Variants in PRRC1 observed in about 807,000 individuals in gnomAD.
PRRC1 encodes the protein proline rich coiled-coil 1.
In PRRC1, 39 loss-of-function variants were observed where a neutral mutation model predicts 40.7. The observed-to-expected ratio is 0.96, with a 90% confidence interval of 0.74 to 1.25. The LOEUF is 1.25. PRRC1 is among the 50% of genes most tolerant of loss of function. The pLI, the probability that PRRC1 is intolerant of heterozygous loss-of-function variation, is 0.00. For synonymous variants in PRRC1, 175 were observed against 193.3 expected (o/e 0.91, Z 0.79); for missense variants, 573 against 548.3 (o/e 1.05, Z -0.45).
chr5:127,551,443 CACTT>C (rs1768378288), intron 8 of PRRC1: 1 of 399,856 alleles, frequency 2.5e-6, no homozygotes, highest in African/African-American at 2.0e-5. Flanking sequence ...CCTGAAGTGA[CACTT>C]AATTTAGAAC....
chr5:127,519,525 G>A (rs1199290947), intron 1 of PRRC1, among the ~76,000 whole-genome samples: 1 of 152,170 alleles, frequency 6.6e-6, no homozygotes, highest in Non-Finnish European at 1.5e-5. Context: ...TGGCTTCTCT[G>A]CAGCATTAAT....
intron 7 of PRRC1, 119 bp from the exon 8 acceptor site, chr5:127,547,700 A>G: frequency 1.8e-6 from 1 of 554,694 alleles, no homozygotes; most frequent in African/African-American, 1.9e-5. Flanking sequence ...TGGTAAGAAA[A>G]AGATTTCCTT....
At chr5:127,524,406 A>G in intron 2 of PRRC1, 125 bp from the exon 3 acceptor site, 1 of 853,866 alleles carries the variant, frequency 1.2e-6, no homozygotes, top group East Asian at 2.5e-5. Flanking sequence ...ACACATTTTA[A>G]AATAATTCTT....
intron 8 of PRRC1, chr5:127,550,898 G>A (rs947190037): frequency 2.0e-5 from 3 of 152,084 alleles, no homozygotes; most frequent in African/African-American, 7.2e-5. Context: ...TGTTTCTCTT[G>A]GAACCAGCTG....
intron 8 of PRRC1, chr5:127,548,147 A>G (rs1167600716): frequency 3.6e-6 from 2 of 562,160 alleles, no homozygotes; most frequent in Non-Finnish European, 3.1e-6. Flanking sequence ...AATACATTAC[A>G]TGGTTAATCA....
At chr5:127,541,828 T>C (rs1261160691) in intron 7 of PRRC1, among the ~76,000 whole-genome samples, 2 of 152,074 alleles carry the variant, frequency 1.3e-5, no homozygotes, top group Non-Finnish European at 2.9e-5. Flanking sequence ...AAAAACCAGC[T>C]CCTGGATTCA....
At chr5:127,518,852 T>C (rs1767385696) in intron 1 of PRRC1, among the ~76,000 whole-genome samples, 2 of 152,172 alleles carry the variant, frequency 1.3e-5, no homozygotes, top group South Asian at 2.1e-4. Context: ...AGTGTTGATA[T>C]ATGAATAGTA....
intron 3 of PRRC1, 126 bp downstream of exon 3, chr5:127,525,046 C>G: frequency 1.0e-6 from 1 of 983,266 alleles, no homozygotes. Context: ...GCATACAGTT[C>G]CATAGTTAGT....
At chr5:127,520,432 A>G (rs1767428179) in intron 1 of PRRC1, among the ~76,000 whole-genome samples, 1 of 152,258 alleles carries the variant, frequency 6.6e-6, no homozygotes. Context: ...GAATCAGCCT[A>G]AATGTCCTTC....
At chr5:127,545,583 CA>C (rs1411640821) in intron 7 of PRRC1, among the ~76,000 whole-genome samples, 1 of 138,422 alleles carries the variant, frequency 7.2e-6, no homozygotes, top group African/African-American at 2.8e-5. Flanking sequence ...GGGAATTGAA[CA>C]ATGAGAACAC....
At position 127,524,833 on chromosome 5, in the gene PRRC1, G is replaced by T; in HGVS notation, c.406G>T (p.Gly136Cys). The T allele has an allele frequency of 6.2e-7, 1 of 1,614,134 alleles. No homozygotes were observed. Among genetic ancestry groups the T allele is most frequent in the Non-Finnish European group, 8.5e-7 (1 of 1,180,032 alleles). ...TCCTCCTATATCAGGATTTTCTGTT[G>T]GTTCAACTTATGACATTACAAGGGG... ...SGPPISGFSV[G>C]STYDITRGHA... The change falls in exon 3 of 9, where the codon GGT becomes TGT. Residue 136 changes from glycine to cysteine, a missense_variant. Physicochemically the swap from Gly to Cys is radical, Grantham distance 159. Transcript: ENST00000296666.
At chr5:127,535,900 T>C (rs1307015695) in intron 6 of PRRC1, among the ~76,000 whole-genome samples, 1 of 152,122 alleles carries the variant, frequency 6.6e-6, no homozygotes, top group Non-Finnish European at 1.5e-5. Context: ...AAGTTTGAGG[T>C]GTTCTTTGAG....
At chr5:127,544,714 G>GT (rs1304412414) in intron 7 of PRRC1, among the ~76,000 whole-genome samples, 1 of 152,220 alleles carries the variant, frequency 6.6e-6, no homozygotes, top group Non-Finnish European at 1.5e-5. Context: ...CTGGTGCGCT[G>GT]TTTTTTAAGC....
At chr5:127,538,516 T>C (rs1024840563) in intron 6 of PRRC1, among the ~76,000 whole-genome samples, 1 of 152,126 alleles carries the variant, frequency 6.6e-6, no homozygotes, top group Non-Finnish European at 1.5e-5. Context: ...TAAGCTGTGG[T>C]GTAATGTATA....
At position 127,538,974 on chromosome 5, in the gene PRRC1, C is replaced by G; in HGVS notation, c.922-66C>G. 2.7e-6 allele frequency: 3 copies of G among 1,129,938 alleles called. No homozygotes were observed. The Admixed American group carries it at 5.7e-5, about 21-fold the overall frequency. 70.0% of individuals were successfully genotyped at this position (1,129,938 alleles called of 1,614,324 possible). On this transcript the variant is annotated intron_variant, in intron 6 of 8. Coordinates refer to ENST00000296666, the MANE Select transcript of PRRC1 (RefSeq NM_130809.5). ...TAAATGTATGCATGTATTGTGTAATCATAAATTAGTATATTTAATATGTAA... is the reference window on the plus strand; with the variant it reads ...TAAATGTATGCATGTATTGTGTAATGATAAATTAGTATATTTAATATGTAA...
In PRRC1 at chr5:127,524,745, T is replaced by C. The variant is rs750330055; in HGVS notation, c.318T>C (p.Pro106=). 3.1e-6 allele frequency: 5 copies of C among 1,614,218 alleles called. No individual in the cohort carries two copies. Among genetic ancestry groups the C allele is most frequent in the Non-Finnish European group, 1.7e-6 (2 of 1,180,036 alleles). The change falls in exon 3 of 9, where the codon CCT becomes CCC. Residue 106 remains proline, a synonymous_variant. Transcript: ENST00000296666. ...CTGCTGCTGCCTTCGGTAATCCTCCTGTATCTCACTTCCCACCTTCAACTT... is the reference window on the plus strand; with the variant it reads ...CTGCTGCTGCCTTCGGTAATCCTCCCGTATCTCACTTCCCACCTTCAACTT... ...PSTAAAFGNP[P]VSHFPPSTSA...
chr5:127,553,640 A>G lies in PRRC1; in HGVS notation c.*1724A>G. On this transcript the variant is annotated 3_prime_UTR_variant, in exon 9 of 9. Transcript: ENST00000296666. The stretch of plus-strand genomic sequence containing the variant: ...CTGAAGGGAAGCATGTCCTTACTTA[A>G]AATAGTTCTGCTACTTTCCCTCCTA... 7.1e-7 allele frequency: 1 copy of G among 1,416,918 alleles called. No individual in the cohort carries two copies. Among genetic ancestry groups the G allele is most frequent in the South Asian group, 1.5e-5 (1 of 68,038 alleles). 87.8% of individuals were successfully genotyped at this position (1,416,918 alleles called of 1,614,324 possible).
chr5:127,544,742 T>C (rs1331673942), intron 7 of PRRC1, among the ~76,000 whole-genome samples: 1 of 152,108 alleles, frequency 6.6e-6, no homozygotes, highest in African/African-American at 2.4e-5. Flanking sequence ...AAAAGCACAG[T>C]ATTTGGGTGG....
chr5:127,539,835 A>G (rs982120922), intron 7 of PRRC1, among the ~76,000 whole-genome samples: 2 of 152,112 alleles, frequency 1.3e-5, no homozygotes, highest in Admixed American at 6.6e-5. Flanking sequence ...GGGAAAGAAG[A>G]TATATGTAGT....
Sources: allele counts gnomAD v4.1 joint callset (sites outside exome capture counted in the v4.1 genomes callset), GRCh38; gene constraint gnomAD v4.1.1; transcripts MANE v1.5; gene names NCBI Gene and HGNC (gene_info 2026-07-23, HGNC 2026-07-21).